The following SHISA4 variants were observed in gnomAD, a reference collection of about 807,000 sequenced individuals.
SHISA4 encodes the protein shisa family member 4.
SHISA4 carries 16 observed loss-of-function variants against 24.2 expected under a neutral mutation model. The observed-to-expected ratio is 0.66, with a 90% CI of 0.45 to 1.00. The LOEUF is 1.00. Ranked by LOEUF, SHISA4 falls within the 50% of genes least tolerant of loss-of-function variation. The pLI is 0.00. For missense variants in SHISA4, 238 were observed against 258.9 expected (o/e 0.92, Z 0.55); for synonymous variants, 106 against 105.4 (o/e 1.01, Z -0.04).
Position 201,891,925 on chromosome 1 carries a change from C to T in SHISA4, c.*79C>T, listed in dbSNP as rs1054680190. The T allele has an allele frequency of 6.4e-7, 1 of 1,562,316 alleles. No homozygotes were observed. Among genetic ancestry groups the T allele is most frequent in the Non-Finnish European group, 8.8e-7 (1 of 1,134,036 alleles). The stretch of plus-strand genomic sequence containing the variant: ...CCTCATCCTGTACCTGCATCTGGTC[C>T]TGGGGGTGGCAGGAGTCCTCCAGCC... On this transcript the variant is annotated 3_prime_UTR_variant, in exon 5 of 5. Transcript: ENST00000362011.
chr1:201,891,686 C>G, intron 4 of SHISA4, 114 bp from the exon 5 acceptor site: 4 of 1,544,664 alleles, frequency 2.6e-6, no homozygotes, highest in South Asian at 1.1e-5. Context: ...ACCTCTAGCC[C>G]GAAACCTCCA....
chr1:201,890,180 G>A (rs1571567423), intron 2 of SHISA4, among the ~76,000 whole-genome samples: 2 of 152,140 alleles, frequency 1.3e-5, no homozygotes, highest in Admixed American at 6.6e-5. Flanking sequence ...GTGTTATGCT[G>A]TATGTCTAAT....
intron 4 of SHISA4, 45 bp from the exon 5 acceptor site, chr1:201,891,755 C>T (rs1233614432): frequency 3.1e-6 from 5 of 1,611,130 alleles, no homozygotes; most frequent in Non-Finnish European, 4.2e-6. Context: ...ACTTTTCGTC[C>T]ACCTATGCCA....
chr1:201,891,230 G>A (rs982623304), intron 3 of SHISA4, among the ~76,000 whole-genome samples, 171 bp from the exon 4 acceptor site: 1 of 152,034 alleles, frequency 6.6e-6, no homozygotes, highest in Non-Finnish European at 1.5e-5. Flanking sequence ...CTGGGGCCAC[G>A]TGCACAGCTC....
intron 2 of SHISA4, among the ~76,000 whole-genome samples, chr1:201,890,228 G>A (rs904424086): frequency 2.2e-4 from 34 of 152,156 alleles, no homozygotes; most frequent in African/African-American, 5.1e-4. Flanking sequence ...GGTTGGGGGC[G>A]CACTGCAAAT....
chr1:201,891,613 C>T, intron 4 of SHISA4, 45 bp downstream of exon 4: 1 of 1,577,966 alleles, frequency 6.3e-7, no homozygotes, highest in Non-Finnish European at 8.6e-7. Context: ...TTCCCCCACC[C>T]CTTGCCCTGC....
At chr1:201,891,723 C>A in intron 4 of SHISA4, 77 bp from the exon 5 acceptor site, 1 of 1,580,432 alleles carries the variant, frequency 6.3e-7, no homozygotes, top group Non-Finnish European at 8.7e-7. Context: ...TGGGTCCTGT[C>A]TGCCCCGGGG....
Position 201,889,045 on chromosome 1 carries a change from G to A in SHISA4, c.51G>A (p.Leu17=). The change falls in exon 1 of 5, where the codon CTG becomes CTA. Residue 17 remains leucine, a synonymous_variant. Coordinates refer to ENST00000362011, the MANE Select transcript of SHISA4 (RefSeq NM_198149.3). ...RRAAPLTAIA[L]LVLGAPLVLA... ...CCGCGCCGCTCACCGCAATCGCTCT[G>A]TTGGTGCTGGGGGCTCCCCTGGGTA... is the stretch of plus-strand genomic sequence containing the variant. 3 of 1,384,696 alleles carry A rather than the reference G, an allele frequency of 2.2e-6. No individual in the cohort carries two copies. Among genetic ancestry groups the A allele is most frequent in the Non-Finnish European group, 2.8e-6 (3 of 1,068,076 alleles). 85.8% of individuals were successfully genotyped at this position (1,384,696 alleles called of 1,614,324 possible). A position where few individuals can be genotyped will look rare whatever the true frequency, so the allele number is the denominator to read the frequency against.
rs1413437388 is a variant in SHISA4, at chr1:201,888,904, G to C, written c.-91G>C. 8 of 882,094 alleles carry C rather than the reference G, an allele frequency of 9.1e-6. No homozygotes were observed. The South Asian group carries it at 2.4e-4, about 26-fold the overall frequency. The allele number at this position is 882,094 out of a possible 1,614,324, so 54.6% of individuals were successfully genotyped here. Reference sequence around the variant, plus strand: ...GGAAGAGGAGCCCGAGCCTGGCCGCGGGCTGGGCCCCGCCGCAGCTCCAGC... The same window carrying C: ...GGAAGAGGAGCCCGAGCCTGGCCGCCGGCTGGGCCCCGCCGCAGCTCCAGC... On this transcript the variant is annotated 5_prime_UTR_variant, in exon 1 of 5. Coordinates refer to ENST00000362011, the MANE Select transcript of SHISA4 (RefSeq NM_198149.3).
rs573786398 is a variant in SHISA4, at chr1:201,891,998, C to G, written c.*152C>G. ...GCCCTGGGCCCTACTGGGGACAGAG[C>G]CCCAGGGAAGTGGAACAGGAGCTGA... is the stretch of plus-strand genomic sequence containing the variant. On this transcript the variant is annotated 3_prime_UTR_variant, in exon 5 of 5. Transcript: ENST00000362011. 98 of 843,060 alleles carry G rather than the reference C, an allele frequency of 1.2e-4. No homozygotes were observed. The highest frequency in any genetic ancestry group is 1.8e-4 in the Non-Finnish European group (94 of 518,176). 52.2% of individuals were successfully genotyped at this position (843,060 alleles called of 1,614,324 possible).
chr1:201,889,040 GCT>G lies in SHISA4; in HGVS notation c.49_50del (p.Leu17ValfsTer29). 7.3e-7 allele frequency: 1 copy of G among 1,377,420 alleles called. No homozygotes were observed. Among genetic ancestry groups the G allele is most frequent in the Non-Finnish European group, 9.4e-7 (1 of 1,064,456 alleles). 85.3% of individuals were successfully genotyped at this position (1,377,420 alleles called of 1,614,324 possible). On this transcript the variant is annotated frameshift_variant, in exon 1 of 5. Coordinates refer to ENST00000362011, the MANE Select transcript of SHISA4 (RefSeq NM_198149.3). LOFTEE classifies it high-confidence loss of function. ...CCGGGCCGCGCCGCTCACCGCAATC[GCT>G]CTGTTGGTGCTGGGGGCTCCCCTGG... ...LRRAAPLTAI[A>X]LLVLGAPLVL...
At chr1:201,890,686 A>G in intron 3 of SHISA4, 99 bp downstream of exon 3, 2 of 1,495,386 alleles carry the variant, frequency 1.3e-6, no homozygotes, top group Non-Finnish European at 9.0e-7. Context: ...CTGTAGTAGT[A>G]TGTGCTTCTG....
intron 1 of SHISA4, 142 bp downstream of exon 1, chr1:201,889,209 A>AGC (rs1681044665): frequency 1.0e-6 from 1 of 966,168 alleles, no homozygotes; most frequent in Admixed American, 2.9e-5. Context: ...GTCCTCAAGA[A>AGC]GCGGGAAGAG....
Position 201,892,399 on chromosome 1 carries a change from G to A in SHISA4, c.*553G>A, listed in dbSNP as rs770245043. Reference sequence around the variant, plus strand: ...TGCCCACTCCATATTCCAAAAGTAGGGGAGGGCCAGCACCAGCATCGGAGC... The same window carrying A: ...TGCCCACTCCATATTCCAAAAGTAGAGGAGGGCCAGCACCAGCATCGGAGC... On this transcript the variant is annotated 3_prime_UTR_variant, in exon 5 of 5. Transcript: ENST00000362011. 19 of 156,846 alleles carry A rather than the reference G, an allele frequency of 1.2e-4. No individual in the cohort carries two copies. The highest frequency in any genetic ancestry group is 2.2e-4 in the Non-Finnish European group (16 of 71,354). 9.7% of individuals were successfully genotyped at this position (156,846 alleles called of 1,614,324 possible).
chr1:201,890,431 G>A, intron 2 of SHISA4, 23 bp from the exon 3 acceptor site: 1 of 1,613,282 alleles, frequency 6.2e-7, no homozygotes, highest in Non-Finnish European at 8.5e-7. Flanking sequence ...TGGAAGGTGA[G>A]AGGACCTGTT....
chr1:201,889,178 G>C lies in SHISA4; in HGVS notation c.73+111G>C, dbSNP rs946927656. ...TTCTCCGAGACCCTCCGGCTGCCAC[G>C]GGAGCCTTGGGTGTTGCTGGGTCCT... On this transcript the variant is annotated intron_variant, in intron 1 of 4. Transcript: ENST00000362011. 4 of 1,099,248 alleles carry C rather than the reference G, an allele frequency of 3.6e-6. No individual in the cohort carries two copies. In the African/African-American group the frequency reaches 4.8e-5, roughly 13 times the overall value. The allele number at this position is 1,099,248 out of a possible 1,614,324, so 68.1% of individuals were successfully genotyped here.
At position 201,892,363 on chromosome 1, in the gene SHISA4, G is replaced by T. The variant is rs373573455; in HGVS notation, c.*517G>T. 2.1e-4 allele frequency: 34 copies of T among 161,114 alleles called. No homozygotes were observed. In the East Asian group the frequency reaches 5.4e-3, roughly 26 times the overall value. The allele number at this position is 161,114 out of a possible 1,614,324, so 10.0% of individuals were successfully genotyped here. A position where few individuals can be genotyped will look rare whatever the true frequency, so the allele number is the denominator to read the frequency against. On this transcript the variant is annotated 3_prime_UTR_variant, in exon 5 of 5. Coordinates refer to ENST00000362011, the MANE Select transcript of SHISA4 (RefSeq NM_198149.3). ...TTCCAGGAACACCGCCTTCAGCTGG[G>T]CCCAGACTGTTGCCCACTCCATATT...
rs1206400469 is a variant in SHISA4, at chr1:201,890,433, G to A, written c.246-21G>A. The stretch of plus-strand genomic sequence containing the variant: ...GTCCTATGAGTGTTGGAAGGTGAGA[G>A]GACCTGTTCTTTGTCTAAAGCCCCA... On this transcript the variant is annotated intron_variant, in intron 2 of 4. Coordinates refer to ENST00000362011, the MANE Select transcript of SHISA4 (RefSeq NM_198149.3). 3.1e-6 allele frequency: 5 copies of A among 1,613,250 alleles called. No individual in the cohort carries two copies. In the Admixed American group the frequency reaches 8.3e-5, roughly 27 times the overall value.
chr1:201,889,405 G>A, intron 1 of SHISA4, 40 bp from the exon 2 acceptor site: 1 of 1,606,214 alleles, frequency 6.2e-7, no homozygotes. Context: ...GGGATGAACT[G>A]GCCTGGTGGC....
Sources: allele counts gnomAD v4.1 joint callset (sites outside exome capture counted in the v4.1 genomes callset), GRCh38; gene constraint gnomAD v4.1.1; transcripts MANE v1.5; gene names NCBI Gene and HGNC (gene_info 2026-07-23, HGNC 2026-07-21).